Variants in PLCH1 observed in about 807,000 individuals in gnomAD.
PLCH1 encodes the protein phospholipase C eta 1, also known as 1-phosphatidylinositol 4,5-bisphosphate phosphodiesterase eta-1.
A neutral mutation model predicts 126.7 loss-of-function variants in PLCH1; 60 were observed. The observed-to-expected ratio is 0.47, with a 90% CI of 0.38 to 0.59. The LOEUF (loss-of-function observed/expected upper bound fraction) is 0.59, where lower values mean the gene tolerates loss of function less well. Ranked by LOEUF, PLCH1 falls within the 20% of genes least tolerant of loss-of-function variation. PLCH1 has a pLI of 0.00. For missense variants in PLCH1, 1,723 were observed against 2,040.0 expected (o/e 0.84, Z 2.99); for synonymous variants, 719 against 734.9 (o/e 0.98, Z 0.35).
rs1003653783 is a variant in PLCH1, at chr3:155,676,192, T to C, written c.79+27954A>G. The stretch of plus-strand genomic sequence containing the variant: ...CCAGAACTTGGCTCATGCTGCCCTT[T>C]ATGGCATGATGAGATCTTCACAATT... On this transcript the variant is annotated intron_variant, in intron 2 of 22. Transcript: ENST00000460012. 1.7e-5 allele frequency: 22 copies of C among 1,307,174 alleles called. No homozygotes were observed. The South Asian group carries it at 4.7e-4, about 28-fold the overall frequency. The allele number at this position is 1,307,174 out of a possible 1,614,324, so 81.0% of individuals were successfully genotyped here. A position where few individuals can be genotyped will look rare whatever the true frequency, so the allele number is the denominator to read the frequency against.
intron 10 of PLCH1, among the ~76,000 whole-genome samples, chr3:155,539,286 A>T (rs1437142777): frequency 6.6e-6 from 1 of 152,186 alleles, no homozygotes; most frequent in Non-Finnish European, 1.5e-5. Flanking sequence ...TGACAAACCC[A>T]CAGCCAACAT....
At chr3:155,615,647 TAAGTG>T (rs1294325174) in intron 2 of PLCH1, among the ~76,000 whole-genome samples, 1 of 152,182 alleles carries the variant, frequency 6.6e-6, no homozygotes, top group Non-Finnish European at 1.5e-5. Flanking sequence ...ACCATTATTC[TAAGTG>T]AAGTAACTCA....
intron 2 of PLCH1, among the ~76,000 whole-genome samples, chr3:155,609,371 A>T (rs1383465306): frequency 6.6e-6 from 1 of 152,188 alleles, no homozygotes; most frequent in Non-Finnish European, 1.5e-5. Flanking sequence ...CAATCGCCCC[A>T]TGGGAAAAAA....
intron 21 of PLCH1, among the ~76,000 whole-genome samples, chr3:155,473,286 C>G (rs1713368231): frequency 1.3e-5 from 2 of 151,924 alleles, no homozygotes; most frequent in South Asian, 4.2e-4. Flanking sequence ...ACACCAATAA[C>G]AGACAGAGAG....
chr3:155,490,987 TAGTA>T (rs1254005472), intron 18 of PLCH1, 119 bp from the exon 19 acceptor site: 2 of 609,882 alleles, frequency 3.3e-6, no homozygotes, highest in Non-Finnish European at 5.8e-6. Flanking sequence ...ACAAGGTGCT[TAGTA>T]AGAAAAAGAA....
intron 2 of PLCH1, among the ~76,000 whole-genome samples, chr3:155,639,956 G>A (rs1739206891): frequency 6.6e-6 from 1 of 152,172 alleles, no homozygotes; most frequent in Non-Finnish European, 1.5e-5. Flanking sequence ...TGTAAGACAT[G>A]CTTCCTTCTT....
rs150827182 is a variant in PLCH1 at position 155,538,174 on chromosome 3, G to A, written c.1362+11613C>T. 2.3e-3 allele frequency among the ~76,000 whole-genome samples: 346 copies of A among 152,088 alleles called. 3 individuals carry two copies. Among genetic ancestry groups the A allele is most frequent in the African/African-American group, 7.8e-3 (325 of 41,508 alleles). On this transcript the variant is annotated intron_variant, in intron 10 of 22. Coordinates refer to ENST00000460012, the MANE Select transcript of PLCH1 (RefSeq NM_014996.4). ...GTTGCGTCAACAATGAAATCAAGAC[G>A]GAAACTTAAAAATTCCTTGAACTGA...
chr3:155,457,650 T>C (rs1320821174), intron 21 of PLCH1: 1 of 152,234 alleles, frequency 6.6e-6, no homozygotes, highest in Non-Finnish European at 1.5e-5. Context: ...TTTATGTGTA[T>C]GTTTCACAAA....
At chr3:155,540,311 C>A (rs1176024118) in intron 10 of PLCH1, among the ~76,000 whole-genome samples, 1 of 152,064 alleles carries the variant, frequency 6.6e-6, no homozygotes, top group Non-Finnish European at 1.5e-5. Flanking sequence ...TGGAAAAACC[C>A]CTTCTAGACA....
chr3:155,550,134 T>C (rs1436752211), intron 9 of PLCH1, among the ~76,000 whole-genome samples, 176 bp from the exon 10 acceptor site: 1 of 152,208 alleles, frequency 6.6e-6, no homozygotes, highest in African/African-American at 2.4e-5. Flanking sequence ...AAAAAATTCC[T>C]CTGAGCAAAT....
At chr3:155,475,051 C>A (rs1360931340), downstream of PLCH1, among the ~76,000 whole-genome samples, 8 of 137,808 alleles carry the variant, frequency 5.8e-5, no homozygotes, top group African/African-American at 2.2e-4. Flanking sequence ...ACAATGTGCA[C>A]ATGTACCCTA....
chr3:155,483,260 C>T (rs1714477181), intron 22 of PLCH1: 2 of 977,856 alleles, frequency 2.0e-6, no homozygotes, highest in Non-Finnish European at 3.1e-6. Context: ...TGGAGCTTCC[C>T]TTTGAATATC....
chr3:155,512,678 C>G (rs1719750486), intron 12 of PLCH1, among the ~76,000 whole-genome samples: 1 of 152,160 alleles, frequency 6.6e-6, no homozygotes, highest in Admixed American at 6.5e-5. Context: ...GTGTGGACTC[C>G]TACACATGCA....
chr3:155,566,208 C>CAT (rs1728418942), intron 7 of PLCH1, among the ~76,000 whole-genome samples: 1 of 83,506 alleles, frequency 1.2e-5, no homozygotes, highest in African/African-American at 3.7e-5. Context: ...TACATATATA[C>CAT]ACATATATAC....
rs147203294 is a variant in PLCH1 at position 155,704,558 on chromosome 3, C to A, written c.-40-294G>T. 3.9e-5 allele frequency among the ~76,000 whole-genome samples: 6 copies of A among 152,262 alleles called. No homozygotes were observed. In the East Asian group the frequency reaches 1.2e-3, roughly 29 times the overall value. ...TACCATCAGAGAGCAGGTTTCAGGA[C>A]CAGTATATGTGCTCCCAGCCTCACT... On this transcript the variant is annotated intron_variant, in intron 1 of 22. Coordinates refer to ENST00000460012, the MANE Select transcript of PLCH1 (RefSeq NM_014996.4).
At chr3:155,486,133 T>C (rs760583365) in intron 21 of PLCH1, 6 of 1,508,386 alleles carry the variant, frequency 4.0e-6, no homozygotes, top group Non-Finnish European at 5.4e-6. Context: ...CAAAGCACCA[T>C]GCTGAGAAAC....
chr3:155,496,012 TTGTC>T (rs1359953403), intron 15 of PLCH1, among the ~76,000 whole-genome samples: 1 of 152,222 alleles, frequency 6.6e-6, no homozygotes, highest in Non-Finnish European at 1.5e-5. Flanking sequence ...TACTACTGTT[TTGTC>T]TGTCTCTCTA....
At chr3:155,492,365 T>C (rs896184768) in intron 18 of PLCH1, among the ~76,000 whole-genome samples, 1 of 152,182 alleles carries the variant, frequency 6.6e-6, no homozygotes, top group African/African-American at 2.4e-5. Context: ...GGGAGGAGCA[T>C]TGCAGGAGGA....
chr3:155,553,523 G>A (rs1370177409), intron 9 of PLCH1, among the ~76,000 whole-genome samples: 1 of 152,090 alleles, frequency 6.6e-6, no homozygotes, highest in Non-Finnish European at 1.5e-5. Flanking sequence ...TTAACCATTA[G>A]AGGAATGAGG....
Sources: gnomAD v4.1 joint callset for allele counts (sites outside exome capture counted in the v4.1 genomes callset) on GRCh38, gnomAD v4.1.1 for gene constraint, MANE v1.5 for transcripts, NCBI Gene and HGNC (gene_info 2026-07-23, HGNC 2026-07-21) for gene names.